Variants in PLAC8 observed in about 807,000 individuals in gnomAD.
The protein encoded by PLAC8 is placenta-specific gene 8 protein.
PLAC8 carries 6 observed loss-of-function variants against 12.6 expected under a neutral mutation model. The ratio of observed to expected loss-of-function variants is 0.48; its 90% confidence interval spans 0.26 to 0.94. The LOEUF (loss-of-function observed/expected upper bound fraction) is 0.94. Among genes scored for constraint, PLAC8 ranks in the 40% least tolerant of loss-of-function variants. PLAC8 has a pLI of 0.14. For synonymous variants in PLAC8, 54 were observed against 52.6 expected, an observed-to-expected ratio of 1.03 and a Z score of -0.11; for missense variants, 122 against 152.7, an observed-to-expected ratio of 0.80 and a Z score of 1.06.
intron 2 of PLAC8, among the ~76,000 whole-genome samples, chr4:83,107,221 AAC>A (rs1187923337): frequency 2.1e-5 from 2 of 95,134 alleles, no homozygotes; most frequent in South Asian, 3.1e-4. Context: ...AAAAAAAAAA[AAC>A]AAAAAAAAAA....
intron 2 of PLAC8, among the ~76,000 whole-genome samples, chr4:83,106,422 G>A (rs9685287): frequency 0.4 from 59,874 of 151,322 alleles, 12,001 homozygotes; most frequent in Middle Eastern, 0.47. Context: ...GTTTGAGACC[G>A]GCCTGCCCAA....
In PLAC8 at chr4:83,107,863, G is replaced by A. The variant is rs1732298060; in HGVS notation, c.59C>T (p.Ala20Val). The A allele has an allele frequency of 1.2e-6, 2 of 1,606,290 alleles. No homozygotes were observed. The highest frequency in any genetic ancestry group is 1.7e-6 in the Non-Finnish European group (2 of 1,175,728). The change falls in exon 2 of 5, where the codon GCC becomes GTC. Residue 20 changes from alanine to valine, a missense_variant. Coordinates refer to ENST00000311507, the MANE Select transcript of PLAC8 (RefSeq NM_016619.3). ...TGTCTGCCAGTTGGAGTTCTGGGGG[G>A]CCGGACCGGGACCGACTCCAGGTTG... ...VTQPGVGPGPAPQNSNWQTGM... is the reference protein window; with the variant it reads ...VTQPGVGPGPVPQNSNWQTGM...
intron 4 of PLAC8, among the ~76,000 whole-genome samples, chr4:83,091,176 G>A (rs1250146892): frequency 1.3e-5 from 2 of 152,146 alleles, no homozygotes; most frequent in East Asian, 3.8e-4. Context: ...AACCCATACT[G>A]ATGCATTACT....
At chr4:83,110,658 G>T (rs1469783286) in intron 1 of PLAC8, among the ~76,000 whole-genome samples, 2 of 152,158 alleles carry the variant, frequency 1.3e-5, no homozygotes, top group Non-Finnish European at 2.9e-5. Context: ...AGCAAACAGT[G>T]GCGAGAGCCC....
At chr4:83,109,501 G>A (rs577514397) in intron 1 of PLAC8, among the ~76,000 whole-genome samples, 89 of 152,350 alleles carry the variant, frequency 5.8e-4, no homozygotes, top group African/African-American at 1.9e-3. Flanking sequence ...CATTCAGGGC[G>A]TGCATGAGCC....
chr4:83,106,015 C>T (rs1251186358), intron 2 of PLAC8, among the ~76,000 whole-genome samples: 4 of 151,514 alleles, frequency 2.6e-5, no homozygotes, highest in Non-Finnish European at 4.4e-5. Flanking sequence ...ATTTTATTTA[C>T]TTATTTATTT....
At chr4:83,095,158 G>A (rs1731895857) in intron 3 of PLAC8, among the ~76,000 whole-genome samples, 1 of 152,154 alleles carries the variant, frequency 6.6e-6, no homozygotes, top group Admixed American at 6.6e-5. Flanking sequence ...GAAAGAGGAA[G>A]ATAAGAAGAA....
chr4:83,110,590 C>T (rs989318853), intron 1 of PLAC8, among the ~76,000 whole-genome samples: 2 of 152,232 alleles, frequency 1.3e-5, no homozygotes, highest in Non-Finnish European at 2.9e-5. Context: ...CCCGCCACCA[C>T]GCTCTCCGCT....
At chr4:83,107,220 A>AAAC (rs1553900362) in intron 2 of PLAC8, among the ~76,000 whole-genome samples, 2 of 148,196 alleles carry the variant, frequency 1.3e-5, no homozygotes, top group African/African-American at 5.1e-5. Flanking sequence ...CAAAAAAAAA[A>AAAC]AACAAAAAAA....
chr4:83,101,483 A>G (rs556306608), intron 3 of PLAC8, among the ~76,000 whole-genome samples: 1 of 152,392 alleles, frequency 6.6e-6, no homozygotes, highest in South Asian at 2.1e-4. Flanking sequence ...TCTTCTCCGT[A>G]ACATAAAAGC....
At chr4:83,108,629 C>A (rs538583401) in intron 1 of PLAC8, among the ~76,000 whole-genome samples, 75 of 152,218 alleles carry the variant, frequency 4.9e-4, no homozygotes, top group Middle Eastern at 3.4e-3. Flanking sequence ...ACAGAATTCA[C>A]GGAACTGGGA....
intron 3 of PLAC8, among the ~76,000 whole-genome samples, chr4:83,101,368 G>A (rs375278450): frequency 1.1e-4 from 17 of 152,282 alleles, no homozygotes; most frequent in African/African-American, 3.4e-4. Context: ...ACGACAGAGC[G>A]AGACTGCATC....
intron 3 of PLAC8, among the ~76,000 whole-genome samples, chr4:83,104,267 T>C (rs1027304590): frequency 3.3e-5 from 5 of 152,354 alleles, no homozygotes; most frequent in East Asian, 3.9e-4. Context: ...ACTTGCTTTA[T>C]TGCAATATTT....
In PLAC8 at chr4:83,105,923, A is replaced by T. The variant is rs184517130; in HGVS notation, c.119-903T>A. Among the ~76,000 whole-genome samples, 208 of 152,294 alleles carry T rather than the reference A, an allele frequency of 1.4e-3. 2 individuals are homozygous for T. The highest frequency in any genetic ancestry group is 4.4e-3 in the African/African-American group (182 of 41,552). ...TCACCCCAGACAATGAGAGTGAAAAAACCAACACAATTGTTTCATTCCCTA... is the reference window on the plus strand; with the variant it reads ...TCACCCCAGACAATGAGAGTGAAAATACCAACACAATTGTTTCATTCCCTA... On this transcript the variant is annotated intron_variant, in intron 2 of 4. Transcript: ENST00000311507.
rs1731793615 is a variant in PLAC8 at position 83,090,911 on chromosome 4, T to C, written c.*70A>G. The C allele has an allele frequency of 6.6e-6, 1 of 152,142 alleles. No individual in the cohort carries two copies. Among genetic ancestry groups the C allele is most frequent in the Non-Finnish European group, 1.5e-5 (1 of 68,018 alleles). The allele number at this position is 152,142 out of a possible 1,614,324, so 9.4% of individuals were successfully genotyped here. On this transcript the variant is annotated 3_prime_UTR_variant, in exon 5 of 5. Transcript: ENST00000311507. ...ATCATATTTCAGTTGCAAAAGATGG[T>C]GAAGAACTCAAGCTGAAGAGGTGTC...
Position 83,094,926 on chromosome 4 carries a change from T to C in PLAC8, c.244-135A>G, listed in dbSNP as rs1024065191. 5 of 489,780 alleles carry C rather than the reference T, an allele frequency of 1.0e-5. No homozygotes were observed. The East Asian group carries it at 1.7e-4, about 17-fold the overall frequency. The allele number at this position is 489,780 out of a possible 1,614,324, so 30.3% of individuals were successfully genotyped here. On this transcript the variant is annotated intron_variant, in intron 3 of 4. Transcript: ENST00000311507. ...TGGATGGATACATTTAGGAAAATATTACCTCACTTTTTCACATAAATGTTG... is the reference window on the plus strand; with the variant it reads ...TGGATGGATACATTTAGGAAAATATCACCTCACTTTTTCACATAAATGTTG...
chr4:83,113,023 T>G lies in PLAC8; in HGVS notation c.-30+1643A>C, dbSNP rs192995953. On this transcript the variant is annotated intron_variant, in intron 1 of 4. Coordinates refer to ENST00000311507, the MANE Select transcript of PLAC8 (RefSeq NM_016619.3). Reference sequence around the variant, plus strand: ...TAACGTGTAGATTTCTAGACACTGCTCAGAGATTGTGACTTAGATAGAATG... The same window carrying G: ...TAACGTGTAGATTTCTAGACACTGCGCAGAGATTGTGACTTAGATAGAATG... Among the ~76,000 whole-genome samples, 10 of 151,750 alleles carry G rather than the reference T, an allele frequency of 6.6e-5. No homozygotes were observed. The East Asian group carries it at 1.9e-3, about 30-fold the overall frequency.
intron 3 of PLAC8, among the ~76,000 whole-genome samples, chr4:83,096,611 G>T (rs746678429): frequency 6.6e-6 from 1 of 152,124 alleles, no homozygotes; most frequent in Non-Finnish European, 1.5e-5. Flanking sequence ...TCTTTCCTTA[G>T]ATTTTGTTCT....
chr4:83,097,005 C>T (rs929052316), intron 3 of PLAC8, among the ~76,000 whole-genome samples: 1 of 152,188 alleles, frequency 6.6e-6, no homozygotes, highest in African/African-American at 2.4e-5. Context: ...TAGTATTTCC[C>T]TCCTTTTGGG....
Sources: gnomAD v4.1 joint callset for allele counts (sites outside exome capture counted in the v4.1 genomes callset) on GRCh38, gnomAD v4.1.1 for gene constraint, MANE v1.5 for transcripts, NCBI Gene and HGNC (gene_info 2026-07-23, HGNC 2026-07-21) for gene names.